Variants in HERC5 observed in about 807,000 individuals in gnomAD.
HERC5 encodes the protein HECT and RLD domain containing E3 ubiquitin protein ligase 5, also known as E3 ISG15--protein ligase HERC5.
Under a neutral mutation model 119.6 loss-of-function variants are expected in HERC5, and 99 were observed. The observed-to-expected ratio is 0.83, with a 90% CI of 0.70 to 0.98. HERC5 has a LOEUF of 0.98. HERC5 is among the 50% of genes least tolerant of loss of function. The pLI, the probability that HERC5 is intolerant of heterozygous loss-of-function variation, is 0.00. For missense variants in HERC5, 1,267 were observed against 1,241.3 expected, an observed-to-expected ratio of 1.02 and a Z score of -0.31; for synonymous variants, 478 against 445.9, an observed-to-expected ratio of 1.07 and a Z score of -0.91.
At chr4:88,484,611 A>G (rs1007256427) in intron 13 of HERC5, among the ~76,000 whole-genome samples, 1 of 152,210 alleles carries the variant, frequency 6.6e-6, no homozygotes, top group African/African-American at 2.4e-5. Context: ...CCTGGGGTCA[A>G]GGTGGAGGTG....
At position 88,493,108 on chromosome 4, in the gene HERC5, A is replaced by G; in HGVS notation, c.2230A>G (p.Met744Val). ...AGAGATGATCCAGCCGGAATATGGG[A>G]TGTTCATGTATCCTGAAGGGGCTTC... ...FAEMIQPEYG[M>V]FMYPEGASCM... is the part of the protein sequence containing the mutation. The change falls in exon 17 of 23, where the codon ATG (methionine) becomes GTG (valine). Residue 744 changes from methionine (M) to valine (V), a missense_variant. Met to Val is a conservative substitution (Grantham distance 21). Transcript: ENST00000264350. 4 of 1,614,042 alleles carry G rather than the reference A, an allele frequency of 2.5e-6. No individual in the cohort carries two copies. Among genetic ancestry groups the G allele is most frequent in the Non-Finnish European group, 1.7e-6 (2 of 1,179,966 alleles).
At chr4:88,469,493 G>T (rs1740791742) in intron 9 of HERC5, among the ~76,000 whole-genome samples, 1 of 152,162 alleles carries the variant, frequency 6.6e-6, no homozygotes, top group Non-Finnish European at 1.5e-5. Flanking sequence ...TTATGAGATT[G>T]TAGGGGCTGG....
chr4:88,457,828 C>T (rs1740230895), intron 1 of HERC5: 1 of 849,298 alleles, frequency 1.2e-6, no homozygotes, highest in Non-Finnish European at 1.5e-6. Flanking sequence ...CTGGCTTTCT[C>T]ATAGGTTTCT....
chr4:88,504,338 A>G lies in HERC5; in HGVS notation c.2689A>G (p.Ile897Val). 1.2e-6 allele frequency: 2 copies of G among 1,613,296 alleles called. No individual in the cohort carries two copies. Among genetic ancestry groups the G allele is most frequent in the Non-Finnish European group, 8.5e-7 (1 of 1,179,336 alleles). The change falls in exon 21 of 23, where the codon ATC (isoleucine) becomes GTC (valine). Residue 897 changes from isoleucine to valine, a missense_variant. By Grantham distance (29) the Ile-to-Val change is conservative. Around this residue, in one of 3 missense-constraint regions of HERC5, gnomAD observed 473 missense variants for 445.7 expected, o/e 1.06. Transcript: ENST00000264350. ...GFYKMCDEDI[I>V]KLFHPEELKD... ...TTATAAAATGTGCGACGAAGACATT[A>G]TCAAATTATTCCACCCCGAAGAACT...
chr4:88,462,918 G>C (rs1740503162), intron 4 of HERC5, among the ~76,000 whole-genome samples: 1 of 152,142 alleles, frequency 6.6e-6, no homozygotes, highest in African/African-American at 2.4e-5. Context: ...CTCATTAAGA[G>C]TTTTCAGGTG....
chr4:88,494,635 A>G (rs1295438390), intron 18 of HERC5, among the ~76,000 whole-genome samples: 2 of 152,208 alleles, frequency 1.3e-5, no homozygotes, highest in African/African-American at 4.8e-5. Flanking sequence ...ATTTATGTTA[A>G]ATGTTGTTTC....
chr4:88,469,323 T>A, intron 9 of HERC5, 63 bp downstream of exon 9: 1 of 1,082,826 alleles, frequency 9.2e-7, no homozygotes, highest in Non-Finnish European at 1.4e-6. Flanking sequence ...CCCAAACTGG[T>A]TCTGCACAGC....
chr4:88,474,205 C>T (rs550034208), intron 11 of HERC5, among the ~76,000 whole-genome samples: 9 of 152,320 alleles, frequency 5.9e-5, no homozygotes, highest in East Asian at 3.9e-4. Flanking sequence ...TCACTGTCTT[C>T]GCTAGTGCCT....
At chr4:88,475,197 C>T (rs987074079) in intron 11 of HERC5, among the ~76,000 whole-genome samples, 8 of 150,672 alleles carry the variant, frequency 5.3e-5, no homozygotes, top group Admixed American at 2.0e-4. Context: ...AAAAGAAACC[C>T]ACGGTGTGAT....
intron 12 of HERC5, among the ~76,000 whole-genome samples, chr4:88,477,912 G>C (rs1034056735): frequency 1.2e-4 from 19 of 152,146 alleles, no homozygotes; most frequent in African/African-American, 4.6e-4. Flanking sequence ...AAACACCTCA[G>C]ACTGGAAGCA....
intron 1 of HERC5, chr4:88,457,965 CTTCTCCCACA>C: frequency 1.5e-5 from 15 of 995,106 alleles, no homozygotes; most frequent in Non-Finnish European, 1.8e-5. Context: ...TTCAGTTGCA[CTTCTCCCACA>C]TTCTCATCGA....
At position 88,490,250 on chromosome 4, in the gene HERC5, T is replaced by C. The variant is rs199950240; in HGVS notation, c.2133+914T>C. Among the ~76,000 whole-genome samples the C allele has an allele frequency of 2.6e-5, 4 of 152,338 alleles. No homozygotes were observed. In the East Asian group the frequency reaches 7.7e-4, roughly 29 times the overall value. ...AGAACTGTTTTAAGTGCCTTATACC[T>C]AATTTTTTAACCCTTTCAACAACAT... On this transcript the variant is annotated intron_variant, in intron 16 of 22. Transcript: ENST00000264350.
intron 17 of HERC5, among the ~76,000 whole-genome samples, chr4:88,493,806 GT>G (rs981564168): frequency 6.6e-6 from 1 of 151,734 alleles, no homozygotes; most frequent in Admixed American, 6.6e-5. Context: ...TAGAGATGGG[GT>G]TTCACCAGTT....
At chr4:88,464,016 A>C in intron 6 of HERC5, 31 bp downstream of exon 6, 1 of 1,590,438 alleles carries the variant, frequency 6.3e-7, no homozygotes, top group South Asian at 1.1e-5. Flanking sequence ...AAGAATTGAT[A>C]AAATGAGTGC....
intron 6 of HERC5, among the ~76,000 whole-genome samples, chr4:88,466,583 C>G (rs1388709333): frequency 6.6e-6 from 1 of 152,158 alleles, no homozygotes; most frequent in Admixed American, 6.5e-5. Context: ...CTCCTAGGAA[C>G]AGGGCACCAG....
At chr4:88,477,100 A>G (rs1741090163) in intron 12 of HERC5, among the ~76,000 whole-genome samples, 2 of 142,926 alleles carry the variant, frequency 1.4e-5, no homozygotes, top group Non-Finnish European at 3.0e-5. Context: ...ATTTGAGGCC[A>G]GGAGTTTGAG....
intron 18 of HERC5, among the ~76,000 whole-genome samples, chr4:88,497,594 T>C (rs1741835087): frequency 2.0e-5 from 3 of 152,216 alleles, no homozygotes; most frequent in African/African-American, 7.2e-5. Context: ...ATGGCTTTTC[T>C]TGACTGCTTA....
At position 88,467,078 on chromosome 4, in the gene HERC5, G is replaced by A. The variant is rs1449769851; in HGVS notation, c.931G>A (p.Val311Ile). The A allele has an allele frequency of 6.2e-7, 1 of 1,614,154 alleles. No homozygotes were observed. Among genetic ancestry groups the A allele is most frequent in the South Asian group, 1.1e-5 (1 of 91,076 alleles). Residue 311 changes from valine to isoleucine, a missense_variant, in exon 7 of 23, where the codon GTT becomes ATT. This residue lies in a region of HERC5 where 777 missense variants were observed against 758.0 expected (regional missense o/e 1.03). Coordinates refer to ENST00000264350, the MANE Select transcript of HERC5 (RefSeq NM_016323.4). Reference sequence around the variant, plus strand: ...TAATAGGTGGCACACACTTGCCTATGTTTCTGATTTGGGAAAGGTCTTTTC... The same window carrying A: ...TAATAGGTGGCACACACTTGCCTATATTTCTGATTTGGGAAAGGTCTTTTC... The part of the protein sequence containing the change: ...ACGRWHTLAY[V>I]SDLGKVFSFG...
chr4:88,479,284 C>CA (rs376253040), intron 12 of HERC5, 69 bp from the exon 13 acceptor site: 70,254 of 926,804 alleles, frequency 0.076, 5 homozygotes, highest in Non-Finnish European at 0.081. Flanking sequence ...GACTCTGTCT[C>CA]AAAAAAAAAA....
Sources: allele counts gnomAD v4.1 joint callset (sites outside exome capture counted in the v4.1 genomes callset), GRCh38; gene constraint gnomAD v4.1.1; regional missense constraint gnomAD v4.1.1; transcripts MANE v1.5; gene names NCBI Gene and HGNC (gene_info 2026-07-23, HGNC 2026-07-21).